The following RORA variants were observed in gnomAD, a reference collection of about 807,000 sequenced individuals.
RORA encodes the protein RAR related orphan receptor A, also known as nuclear receptor ROR-alpha.
RORA carries 7 observed loss-of-function variants against 69.5 expected under a neutral mutation model. The observed-to-expected ratio is 0.10, with a 90% CI of 0.06 to 0.19. RORA has a LOEUF of 0.19. RORA is among the 10% of genes least tolerant of loss of function. The pLI is 1.00. For missense variants in RORA, 457 were observed against 663.0 expected (o/e 0.69, Z 3.41); for synonymous variants, 261 against 240.8 (o/e 1.08, Z -0.78).
At chr15:60,585,322 T>A (rs998782455) in intron 2 of RORA, among the ~76,000 whole-genome samples, 10 of 152,246 alleles carry the variant, frequency 6.6e-5, no homozygotes, top group African/African-American at 1.9e-4. Context: ...TGAATGCTTG[T>A]CGCTACCTCA....
At chr15:61,022,884 C>T (rs1030261707) in intron 1 of RORA, among the ~76,000 whole-genome samples, 2 of 151,906 alleles carry the variant, frequency 1.3e-5, no homozygotes, top group Non-Finnish European at 2.9e-5. Flanking sequence ...TAGTGGTAAT[C>T]AATGTTTAAG....
At chr15:60,687,507 T>C (rs957162082) in intron 1 of RORA, among the ~76,000 whole-genome samples, 9 of 152,204 alleles carry the variant, frequency 5.9e-5, no homozygotes, top group Admixed American at 2.6e-4. Context: ...ATACTTCTCT[T>C]GGGAGGCCGA....
chr15:61,084,609 A>C (rs1361300622), intron 1 of RORA, among the ~76,000 whole-genome samples: 1 of 152,142 alleles, frequency 6.6e-6, no homozygotes, highest in African/African-American at 2.4e-5. Context: ...TGCCAGTTTG[A>C]GTTCTCTTGG....
At chr15:61,181,052 C>T (rs1252006789) in intron 1 of RORA, among the ~76,000 whole-genome samples, 2 of 146,400 alleles carry the variant, frequency 1.4e-5, no homozygotes, top group African/African-American at 5.1e-5. Context: ...TGCAGTAAGC[C>T]GAGATCATGC....
chr15:60,515,566 TTTATTC>T (rs1425930655), intron 3 of RORA, among the ~76,000 whole-genome samples: 2 of 152,168 alleles, frequency 1.3e-5, no homozygotes, highest in Admixed American at 6.5e-5. Context: ...ATTTTCACTG[TTTATTC>T]TTAGAGTGTC....
At chr15:61,011,428 T>G (rs1370832923) in intron 1 of RORA, among the ~76,000 whole-genome samples, 1 of 152,190 alleles carries the variant, frequency 6.6e-6, no homozygotes, top group African/African-American at 2.4e-5. Flanking sequence ...AAGTTTTGCT[T>G]TTGTTGTTTG....
chr15:61,158,463 A>G (rs1444748819), intron 1 of RORA, among the ~76,000 whole-genome samples: 1 of 152,198 alleles, frequency 6.6e-6, no homozygotes, highest in Admixed American at 6.5e-5. Context: ...GGTCAAAGGC[A>G]TATGATGTTT....
chr15:60,597,617 T>TACATATATATATATATATATATAC (rs1555436025), intron 2 of RORA, among the ~76,000 whole-genome samples: 1 of 43,550 alleles, frequency 2.3e-5, no homozygotes, highest in South Asian at 7.7e-4. Context: ...TATATATATA[T>TACATATATATATATATATATATAC]ACATACATAT....
intron 2 of RORA, among the ~76,000 whole-genome samples, chr15:60,649,004 C>T (rs1269221082): frequency 6.6e-6 from 1 of 152,316 alleles, no homozygotes; most frequent in East Asian, 1.9e-4. Context: ...ACTCTCCTCA[C>T]AGGTGCTCTT....
intron 1 of RORA, among the ~76,000 whole-genome samples, chr15:61,025,754 A>T (rs1275844781): frequency 6.6e-6 from 1 of 152,218 alleles, no homozygotes; most frequent in Non-Finnish European, 1.5e-5. Flanking sequence ...TGAGTGGATG[A>T]AGAAAAAAGT....
chr15:61,068,573 G>A (rs1200210350), intron 1 of RORA, among the ~76,000 whole-genome samples: 2 of 152,112 alleles, frequency 1.3e-5, no homozygotes, highest in South Asian at 2.1e-4. Flanking sequence ...TCATTGCTCT[G>A]GGCATCTAAA....
chr15:60,691,401 C>T (rs1366968996), intron 1 of RORA, among the ~76,000 whole-genome samples: 1 of 152,136 alleles, frequency 6.6e-6, no homozygotes, highest in Non-Finnish European at 1.5e-5. Flanking sequence ...TTTGTGATGC[C>T]TAGAATGGTG....
At chr15:60,728,784 A>G (rs1474685409) in intron 1 of RORA, among the ~76,000 whole-genome samples, 1 of 152,352 alleles carries the variant, frequency 6.6e-6, no homozygotes, top group East Asian at 1.9e-4. Flanking sequence ...CCCTAAAAAA[A>G]ACTTAAAGTG....
intron 1 of RORA, among the ~76,000 whole-genome samples, chr15:60,974,797 C>G (rs569190276): frequency 1.3e-5 from 2 of 152,174 alleles, no homozygotes; most frequent in African/African-American, 4.8e-5. Context: ...AGGGGACCAC[C>G]GTATCAGGTA....
At chr15:61,133,891 T>C (rs920176923) in intron 1 of RORA, among the ~76,000 whole-genome samples, 2 of 152,178 alleles carry the variant, frequency 1.3e-5, no homozygotes. Context: ...TGTAGCAAAA[T>C]ACACTTAAAT....
At chr15:61,049,419 C>A (rs548503598) in intron 1 of RORA, among the ~76,000 whole-genome samples, 1 of 152,250 alleles carries the variant, frequency 6.6e-6, no homozygotes, top group South Asian at 2.1e-4. Context: ...AGTGATCATA[C>A]AAGTCCATGT....
At chr15:60,645,416 A>G (rs1343042109) in intron 2 of RORA, among the ~76,000 whole-genome samples, 1 of 147,080 alleles carries the variant, frequency 6.8e-6, no homozygotes, top group African/African-American at 2.5e-5. Context: ...GTCTTGACAG[A>G]TAAATTTTTT....
intron 3 of RORA, among the ~76,000 whole-genome samples, chr15:60,525,233 T>G (rs2066310967): frequency 6.6e-6 from 1 of 152,168 alleles, no homozygotes; most frequent in South Asian, 2.1e-4. Flanking sequence ...AGATAAATTT[T>G]AAAAGCCTGG....
At chr15:61,197,472 C>G (rs1439288895) in intron 1 of RORA, among the ~76,000 whole-genome samples, 2 of 152,146 alleles carry the variant, frequency 1.3e-5, no homozygotes, top group African/African-American at 4.8e-5. Context: ...TCAGGTTTGC[C>G]AGATGGAAAA....
Sources: allele counts gnomAD v4.1 joint callset (sites outside exome capture counted in the v4.1 genomes callset), GRCh38; gene constraint gnomAD v4.1.1; transcripts MANE v1.5; gene names NCBI Gene and HGNC (gene_info 2026-07-23, HGNC 2026-07-21).